PXDNL: variants seen among roughly 807,000 people sequenced by gnomAD.
PXDNL encodes probable oxidoreductase PXDNL.
PXDNL carries 145 observed loss-of-function variants against 150.8 expected under a neutral mutation model. The ratio of observed to expected loss-of-function variants is 0.96; its 90% CI spans 0.84 to 1.10. The LOEUF is 1.10. Ranked by LOEUF, PXDNL falls within the 50% of genes least tolerant of loss-of-function variation. PXDNL has a pLI of 0.00. For synonymous variants in PXDNL, 757 were observed against 725.7 expected (o/e 1.04, Z -0.69); for missense variants, 2,087 against 1,873.9 (o/e 1.11, Z -2.10).
chr8:51,665,315 C>T (rs1815361783), intron 1 of PXDNL, among the ~76,000 whole-genome samples: 1 of 152,168 alleles, frequency 6.6e-6, no homozygotes, highest in Non-Finnish European at 1.5e-5. Context: ...CCCACACTCT[C>T]AGGACTCCTC....
At chr8:51,446,951 C>G in intron 12 of PXDNL, 53 bp downstream of exon 12, 1 of 1,559,252 alleles carries the variant, frequency 6.4e-7, no homozygotes, top group Admixed American at 1.7e-5. Context: ...GTGTTAAAGA[C>G]ACAGGCAGAA....
chr8:51,616,733 G>C (rs868007191), intron 2 of PXDNL, among the ~76,000 whole-genome samples: 2 of 152,142 alleles, frequency 1.3e-5, no homozygotes, highest in Non-Finnish European at 2.9e-5. Context: ...GATTCAATGA[G>C]GCACATGGTG....
intron 4 of PXDNL, among the ~76,000 whole-genome samples, chr8:51,528,779 C>A (rs553288561): frequency 2.0e-5 from 3 of 152,152 alleles, no homozygotes; most frequent in Non-Finnish European, 4.4e-5. Context: ...TGCAGGCCCA[C>A]GACTGCCAGC....
chr8:51,653,563 A>G (rs1457999714), intron 2 of PXDNL, among the ~76,000 whole-genome samples: 1 of 152,208 alleles, frequency 6.6e-6, no homozygotes, highest in Non-Finnish European at 1.5e-5. Context: ...TTTGATAATC[A>G]TTGCTTTATT....
chr8:51,784,577 A>G (rs1405700926), intron 1 of PXDNL, among the ~76,000 whole-genome samples: 1 of 152,214 alleles, frequency 6.6e-6, no homozygotes, highest in African/African-American at 2.4e-5. Flanking sequence ...ATTATAGTCA[A>G]TCTCAGCATT....
chr8:51,377,503 C>G (rs1030096652), intron 17 of PXDNL, among the ~76,000 whole-genome samples: 1 of 152,184 alleles, frequency 6.6e-6, no homozygotes, highest in Non-Finnish European at 1.5e-5. Context: ...CCTCAGCTTG[C>G]AGGGAGGTGT....
intron 12 of PXDNL, among the ~76,000 whole-genome samples, chr8:51,441,611 C>A (rs1026066189): frequency 5.9e-5 from 9 of 152,120 alleles, no homozygotes; most frequent in African/African-American, 1.7e-4. Context: ...ACAGTTTTTT[C>A]CTAATATACA....
At chr8:51,695,879 A>T (rs116107011) in intron 1 of PXDNL, among the ~76,000 whole-genome samples, 5,154 of 152,234 alleles carry the variant, frequency 0.034, 273 homozygotes, top group African/African-American at 0.11. Flanking sequence ...ACTATTACTG[A>T]GTATCCTTCA....
chr8:51,796,478 AT>A (rs1306315265), intron 1 of PXDNL, among the ~76,000 whole-genome samples: 1 of 152,164 alleles, frequency 6.6e-6, no homozygotes, highest in African/African-American at 2.4e-5. Flanking sequence ...ACAATAAAAA[AT>A]GACAAAGGGG....
At chr8:51,368,155 A>C (rs1806977197) in intron 19 of PXDNL, among the ~76,000 whole-genome samples, 1 of 152,106 alleles carries the variant, frequency 6.6e-6, no homozygotes. Flanking sequence ...AAACAAAACA[A>C]AATGGTGGAT....
intron 2 of PXDNL, among the ~76,000 whole-genome samples, chr8:51,651,921 C>T (rs1248216215): frequency 6.6e-6 from 1 of 152,180 alleles, no homozygotes; most frequent in Non-Finnish European, 1.5e-5. Context: ...CTTGATCTTA[C>T]CCTCTAGCTC....
At chr8:51,573,651 C>CCTG (rs1812991374) in intron 3 of PXDNL, among the ~76,000 whole-genome samples, 1 of 152,010 alleles carries the variant, frequency 6.6e-6, no homozygotes, top group African/African-American at 2.4e-5. Context: ...TAGACTCCTA[C>CCTG]CTGCACCTGA....
intron 17 of PXDNL, among the ~76,000 whole-genome samples, chr8:51,397,334 G>T (rs1808111736): frequency 6.6e-6 from 1 of 152,008 alleles, no homozygotes; most frequent in African/African-American, 2.4e-5. Context: ...TTAAATTTCT[G>T]GTTTGCTATT....
At chr8:51,592,876 T>C (rs997805967) in intron 2 of PXDNL, among the ~76,000 whole-genome samples, 178 bp from the exon 3 acceptor site, 3 of 152,202 alleles carry the variant, frequency 2.0e-5, no homozygotes, top group Admixed American at 1.3e-4. Context: ...AAAACATTAA[T>C]TTGTCACAAA....
In PXDNL at chr8:51,319,945, G is replaced by A. The variant is rs1042363036; in HGVS notation, c.4338C>T (p.Cys1446=). 1.3e-6 allele frequency: 2 copies of A among 1,579,830 alleles called. No individual in the cohort carries two copies. The highest frequency in any genetic ancestry group is 2.3e-5 in the East Asian group (1 of 43,076). The stretch of plus-strand genomic sequence containing the variant: ...TTCCTCGGTCTCTGCAAACTGGACA[G>A]CAGGTTCCTTTCACCAATTCAGGAC... The part of the protein sequence containing the change: ...CPSPELVKGT[C]CPVCRDRGMP... The change falls in exon 23 of 23, where the codon TGC becomes TGT. Residue 1446 remains cysteine (C), a synonymous_variant. Coordinates refer to ENST00000356297, the MANE Select transcript of PXDNL (RefSeq NM_144651.5).
At chr8:51,465,403 C>T (rs1313305858) in intron 8 of PXDNL, among the ~76,000 whole-genome samples, 1 of 151,786 alleles carries the variant, frequency 6.6e-6, no homozygotes, top group Non-Finnish European at 1.5e-5. Context: ...AGCAACATAC[C>T]TCAAAATAAT....
intron 21 of PXDNL, among the ~76,000 whole-genome samples, chr8:51,338,823 A>C (rs1359648370): frequency 2.0e-5 from 3 of 152,228 alleles, no homozygotes; most frequent in Non-Finnish European, 4.4e-5. Flanking sequence ...GCAAAAGTAT[A>C]GCGGGGTGTG....
At chr8:51,385,343 A>G (rs1807668225) in intron 17 of PXDNL, among the ~76,000 whole-genome samples, 1 of 152,160 alleles carries the variant, frequency 6.6e-6, no homozygotes, top group Admixed American at 6.5e-5. Flanking sequence ...GAAAAAAAAA[A>G]AACACTTTCC....
intron 3 of PXDNL, among the ~76,000 whole-genome samples, chr8:51,578,006 G>C (rs1194131090): frequency 4.7e-4 from 37 of 78,034 alleles, no homozygotes; most frequent in Non-Finnish European, 8.5e-4. Context: ...AAAGAGGAAG[G>C]AAGGAAGGAA....
Sources: gnomAD v4.1 joint callset for allele counts (sites outside exome capture counted in the v4.1 genomes callset) on GRCh38, gnomAD v4.1.1 for gene constraint, MANE v1.5 for transcripts, NCBI Gene and HGNC (gene_info 2026-07-23, HGNC 2026-07-21) for gene names.